The following WASHC2C variants were observed in gnomAD, a reference collection of about 807,000 sequenced individuals.
The protein encoded by WASHC2C is Vaccinia Penetration Factor.
Under a neutral mutation model 142.2 loss-of-function variants are expected in WASHC2C, and 73 were observed. The ratio of observed to expected loss-of-function variants is 0.51; its 90% CI spans 0.43 to 0.62. WASHC2C has a LOEUF of 0.62. Among genes scored for constraint, WASHC2C ranks in the 20% least tolerant of loss-of-function variants. The pLI, the probability that WASHC2C is intolerant of heterozygous loss-of-function variation, is 0.00. For missense variants in WASHC2C, 969 were observed against 1,531.7 expected, an observed-to-expected ratio of 0.63 and a Z score of 6.13; for synonymous variants, 337 against 565.5, an observed-to-expected ratio of 0.60 and a Z score of 5.73.
At chr10:45,772,276 G>A (rs1255978635) in intron 20 of WASHC2C, among the ~76,000 whole-genome samples, 9 of 151,590 alleles carry the variant, frequency 5.9e-5, no homozygotes, top group Admixed American at 3.9e-4. Context: ...TAGGCATGGC[G>A]GTTCTTTTTG....
chr10:45,733,223 T>C (rs1471439103), intron 3 of WASHC2C, among the ~76,000 whole-genome samples: 1 of 150,566 alleles, frequency 6.6e-6, no homozygotes, highest in Admixed American at 6.6e-5. Flanking sequence ...CAATTATTGA[T>C]GGGATTTGAT....
intron 16 of WASHC2C, among the ~76,000 whole-genome samples, chr10:45,757,968 T>G (rs2134919156): frequency 6.6e-6 from 1 of 152,394 alleles, no homozygotes; most frequent in South Asian, 2.1e-4. Context: ...TGATTTTTTT[T>G]TTGTTCTAAG....
chr10:45,792,082 A>C (rs1314923042), intron 30 of WASHC2C, among the ~76,000 whole-genome samples, 179 bp from the exon 31 acceptor site: 1 of 144,464 alleles, frequency 6.9e-6, no homozygotes, highest in African/African-American at 2.5e-5. Flanking sequence ...GTGTGATCAT[A>C]AAATTTAATG....
intron 18 of WASHC2C, among the ~76,000 whole-genome samples, chr10:45,764,098 T>C (rs2055483147): frequency 6.6e-6 from 1 of 150,928 alleles, no homozygotes; most frequent in Non-Finnish European, 1.5e-5. Flanking sequence ...GTGGAGGTTA[T>C]TTTGACTTCC....
intron 3 of WASHC2C, among the ~76,000 whole-genome samples, chr10:45,731,685 T>C (rs1554862418): frequency 6.6e-6 from 1 of 152,156 alleles, no homozygotes; most frequent in Non-Finnish European, 1.5e-5. Context: ...CCACATGCTA[T>C]AGGTTTTTTT....
chr10:45,741,067 C>A (rs2051976378), intron 5 of WASHC2C, among the ~76,000 whole-genome samples: 1 of 151,804 alleles, frequency 6.6e-6, no homozygotes, highest in Admixed American at 6.6e-5. Flanking sequence ...CCTGCCCCAG[C>A]CTCCCGAGTA....
At chr10:45,729,569 G>T (rs2050293699) in intron 3 of WASHC2C, among the ~76,000 whole-genome samples, 1 of 151,972 alleles carries the variant, frequency 6.6e-6, no homozygotes, top group Admixed American at 6.6e-5. Context: ...TCTTCTAGGT[G>T]GTAGGAATAC....
At chr10:45,791,535 A>G (rs2135857118) in intron 30 of WASHC2C, among the ~76,000 whole-genome samples, 1 of 146,148 alleles carries the variant, frequency 6.8e-6, no homozygotes, top group East Asian at 1.9e-4. Context: ...TTTTCATGTC[A>G]GTACGCAGAG....
intron 23 of WASHC2C, among the ~76,000 whole-genome samples, chr10:45,784,150 T>G (rs1247197020): frequency 2.0e-5 from 3 of 151,062 alleles, no homozygotes; most frequent in Non-Finnish European, 2.9e-5. Flanking sequence ...TGGATTGCTT[T>G]TCTAATAAAA....
intron 8 of WASHC2C, among the ~76,000 whole-genome samples, chr10:45,747,424 G>T (rs577158697): frequency 1.1e-3 from 167 of 152,170 alleles, no homozygotes; most frequent in African/African-American, 3.8e-3. Flanking sequence ...GATTACAGGC[G>T]TGAGCCACCA....
intron 30 of WASHC2C, 62 bp downstream of exon 30, chr10:45,790,595 T>G: frequency 6.2e-7 from 1 of 1,611,958 alleles, no homozygotes; most frequent in Non-Finnish European, 8.5e-7. Context: ...TTGGTATTTT[T>G]CCTGCTACCT....
At chr10:45,727,566 G>A (rs2050008167) in intron 2 of WASHC2C, 27 bp downstream of exon 2, 33 of 1,554,960 alleles carry the variant, frequency 2.1e-5, no homozygotes, top group Non-Finnish European at 2.8e-5. Context: ...GGGGACGCGA[G>A]AGCGGCAGGG....
At chr10:45,775,364 G>A (rs2056960130) in intron 21 of WASHC2C, among the ~76,000 whole-genome samples, 1 of 120,570 alleles carries the variant, frequency 8.3e-6, no homozygotes, top group Non-Finnish European at 1.7e-5. Context: ...GTGCACGCCT[G>A]TGATCCCAGC....
At chr10:45,762,141 G>C (rs1187552599) in intron 17 of WASHC2C, among the ~76,000 whole-genome samples, 1 of 151,570 alleles carries the variant, frequency 6.6e-6, no homozygotes. Flanking sequence ...ACTTCATGTA[G>C]GTCAACTTGC....
At position 45,759,139 on chromosome 10, in the gene WASHC2C, CTGTT is replaced by C. The variant is rs1283138060; in HGVS notation, c.1549-172_1549-169del. Among the ~76,000 whole-genome samples the C allele has an allele frequency of 6.5e-5, 9 of 137,600 alleles. No homozygotes were observed. In the South Asian group the frequency reaches 7.5e-4, roughly 11 times the overall value. 90.3% of individuals were successfully genotyped at this position (137,600 alleles called of 152,430 possible). On this transcript the variant is annotated intron_variant, in intron 16 of 30. Coordinates refer to ENST00000623400, the MANE Select transcript of WASHC2C (RefSeq NM_001330074.2). Reference sequence around the variant, plus strand: ...CTCCCTGATACACCAGATGTGTCCTCTGTTTGTCTTGCTGTTCTCTTAACAGCCC... The same window carrying C: ...CTCCCTGATACACCAGATGTGTCCTCTGTCTTGCTGTTCTCTTAACAGCCC...
chr10:45,752,311 A>G (rs1400281423), intron 11 of WASHC2C, among the ~76,000 whole-genome samples: 1 of 152,302 alleles, frequency 6.6e-6, no homozygotes, highest in South Asian at 2.1e-4. Flanking sequence ...TGCTTGCTTC[A>G]GAGTAAATCT....
At chr10:45,773,794 G>T (rs1246061257) in intron 21 of WASHC2C, among the ~76,000 whole-genome samples, 2 of 150,736 alleles carry the variant, frequency 1.3e-5, no homozygotes, top group Non-Finnish European at 2.9e-5. Flanking sequence ...TGGAGAAATG[G>T]TCACACAGGT....
At chr10:45,784,318 ACAT>A (rs2135708210) in intron 23 of WASHC2C, among the ~76,000 whole-genome samples, 1 of 93,870 alleles carries the variant, frequency 1.1e-5, no homozygotes, top group Admixed American at 1.1e-4. Context: ...ATATACACAC[ACAT>A]ATATATATAT....
At chr10:45,784,790 G>A (rs2057907350) in intron 24 of WASHC2C, 31 bp from the exon 25 acceptor site, 1 of 1,598,364 alleles carries the variant, frequency 6.3e-7, no homozygotes, top group Non-Finnish European at 8.5e-7. Flanking sequence ...TTTTGCTTTT[G>A]GATATTGAAC....
Sources: allele counts gnomAD v4.1 joint callset (sites outside exome capture counted in the v4.1 genomes callset), GRCh38; gene constraint gnomAD v4.1.1; transcripts MANE v1.5; gene names NCBI Gene and HGNC (gene_info 2026-07-23, HGNC 2026-07-21).